RBPJ: variants seen among roughly 807,000 people sequenced by gnomAD.
RBPJ encodes the protein recombination signal binding protein for immunoglobulin kappa J region, also known as recombining binding protein suppressor of hairless.
A neutral mutation model predicts 67.8 loss-of-function variants in RBPJ; 9 were observed. The ratio of observed to expected loss-of-function variants is 0.13; its 90% CI spans 0.08 to 0.23. The LOEUF (loss-of-function observed/expected upper bound fraction) is 0.23. RBPJ is among the 10% of genes least tolerant of loss of function. The pLI is 1.00. For synonymous variants in RBPJ, 198 were observed against 203.3 expected, an observed-to-expected ratio of 0.97 and a Z score of 0.22; for missense variants, 305 against 595.6, an observed-to-expected ratio of 0.51 and a Z score of 5.08.
At chr4:26,282,969 C>T (rs1577386812) in intron 1 of RBPJ, among the ~76,000 whole-genome samples, 1 of 101,676 alleles carries the variant, frequency 9.8e-6, no homozygotes, top group Non-Finnish European at 1.9e-5. Context: ...CTCGTTTTGT[C>T]ACCCAGGCTG....
intron 2 of RBPJ, among the ~76,000 whole-genome samples, chr4:26,402,083 T>C (rs2109723029): frequency 6.6e-6 from 1 of 152,132 alleles, no homozygotes; most frequent in African/African-American, 2.4e-5. Flanking sequence ...AAAGGGGGTT[T>C]CTCCATGTTG....
chr4:26,247,880 A>C (rs1375122927), intron 1 of RBPJ, among the ~76,000 whole-genome samples: 2 of 152,166 alleles, frequency 1.3e-5, no homozygotes, highest in Non-Finnish European at 2.9e-5. Context: ...GAAACTACCT[A>C]TTTGGGTACT....
chr4:26,145,771 A>T, the RBPJ span, among the ~76,000 whole-genome samples: 1 of 152,210 alleles, frequency 6.6e-6, no homozygotes, highest in Non-Finnish European at 1.5e-5. Flanking sequence ...TCTTTTGAGG[A>T]GAAAAACCTC....
At chr4:26,162,252 C>T (rs925482484), upstream of RBPJ, among the ~76,000 whole-genome samples, 3 of 152,166 alleles carry the variant, frequency 2.0e-5, no homozygotes, top group African/African-American at 4.8e-5. Flanking sequence ...CTAGGACAGC[C>T]GACCGTCTCA....
At chr4:26,155,006 T>A in the RBPJ span, among the ~76,000 whole-genome samples, 9 of 152,138 alleles carry the variant, frequency 5.9e-5, no homozygotes, top group East Asian at 1.7e-3. Context: ...GGGCTGGACA[T>A]AAAGAATATT....
At chr4:26,403,748 G>A (rs1237481842) in intron 2 of RBPJ, among the ~76,000 whole-genome samples, 2 of 152,112 alleles carry the variant, frequency 1.3e-5, no homozygotes, top group East Asian at 1.9e-4. Flanking sequence ...ATATTCGGTG[G>A]TGTGTATGTA....
intron 1 of RBPJ, among the ~76,000 whole-genome samples, chr4:26,331,402 T>C (rs78062081): frequency 0.012 from 1,786 of 151,816 alleles, 28 homozygotes; most frequent in African/African-American, 0.04. Context: ...TTTTTTTTTT[T>C]CCCATACCTT....
At chr4:26,354,365 C>T (rs936580073) in intron 1 of RBPJ, among the ~76,000 whole-genome samples, 1 of 151,728 alleles carries the variant, frequency 6.6e-6, no homozygotes, top group African/African-American at 2.4e-5. Context: ...ATTTTTGTTT[C>T]ACCATCAAAT....
intron 3 of RBPJ, among the ~76,000 whole-genome samples, chr4:26,413,603 CAT>C (rs1410821324): frequency 2.0e-5 from 3 of 152,086 alleles, no homozygotes; most frequent in Non-Finnish European, 2.9e-5. Flanking sequence ...TCTTGTAAGT[CAT>C]ATGTAAATTG....
intron 2 of RBPJ, among the ~76,000 whole-genome samples, chr4:26,388,301 A>G (rs1478154468): frequency 1.3e-5 from 2 of 152,116 alleles, no homozygotes; most frequent in East Asian, 1.9e-4. Context: ...TGCCCAGCCT[A>G]AAACAGTTAT....
chr4:26,161,433 C>G (rs527604592), upstream of RBPJ, among the ~76,000 whole-genome samples: 3 of 152,182 alleles, frequency 2.0e-5, no homozygotes, highest in African/African-American at 7.2e-5. Context: ...AAGGTTGCAG[C>G]CCCTGAAAGA....
the RBPJ span, among the ~76,000 whole-genome samples, chr4:26,142,343 AT>A: frequency 3.3e-5 from 5 of 152,232 alleles, no homozygotes; most frequent in Non-Finnish European, 5.9e-5. Context: ...GCCTCCAGGA[AT>A]TGGATCTAAA....
At chr4:26,160,905 T>C (rs987868826), upstream of RBPJ, among the ~76,000 whole-genome samples, 1 of 152,224 alleles carries the variant, frequency 6.6e-6, no homozygotes, top group Non-Finnish European at 1.5e-5. Flanking sequence ...GGCCTCTTTC[T>C]GTTTCTCTTG....
At chr4:26,210,289 A>T (rs1034266941) in intron 1 of RBPJ, among the ~76,000 whole-genome samples, 6 of 152,102 alleles carry the variant, frequency 3.9e-5, no homozygotes, top group African/African-American at 1.2e-4. Context: ...TCCGCACAGG[A>T]TCCCCTCCTC....
chr4:26,282,418 G>T (rs1721305563), intron 1 of RBPJ, among the ~76,000 whole-genome samples: 1 of 151,774 alleles, frequency 6.6e-6, no homozygotes, highest in South Asian at 2.1e-4. Flanking sequence ...AAATAAACTG[G>T]TGCACCCACA....
chr4:26,234,322 C>T (rs1248342690), intron 1 of RBPJ, among the ~76,000 whole-genome samples: 3 of 152,164 alleles, frequency 2.0e-5, no homozygotes, highest in Admixed American at 6.5e-5. Context: ...GTACAAATAG[C>T]ATTCTGCAGA....
At chr4:26,336,752 G>A (rs1724876273) in intron 1 of RBPJ, among the ~76,000 whole-genome samples, 1 of 151,656 alleles carries the variant, frequency 6.6e-6, no homozygotes, top group Non-Finnish European at 1.5e-5. Context: ...TTAAAACACT[G>A]TATATGTAGT....
the RBPJ span, among the ~76,000 whole-genome samples, chr4:26,132,532 A>G: frequency 8.6e-5 from 13 of 151,494 alleles, no homozygotes; most frequent in Non-Finnish European, 1.2e-4. Flanking sequence ...GGGAGGCCCC[A>G]CCCTTGGCTG....
intron 1 of RBPJ, among the ~76,000 whole-genome samples, chr4:26,248,625 A>G (rs1720002768): frequency 1.3e-5 from 2 of 152,264 alleles, no homozygotes; most frequent in Non-Finnish European, 2.9e-5. Context: ...CAATAATTAT[A>G]GTTAGACTAT....
Sources: allele counts gnomAD v4.1 joint callset (sites outside exome capture counted in the v4.1 genomes callset), GRCh38; gene constraint gnomAD v4.1.1; transcripts MANE v1.5; gene names NCBI Gene and HGNC (gene_info 2026-07-23, HGNC 2026-07-21).